The following CUBN variants were observed in gnomAD, a reference collection of about 807,000 sequenced individuals.
The protein encoded by CUBN is 460 kDa receptor.
In CUBN, 282 loss-of-function variants were observed where a neutral mutation model predicts 405.3. The ratio of observed to expected loss-of-function variants is 0.70; its 90% CI spans 0.63 to 0.77. The LOEUF is 0.77. Ranked by LOEUF, CUBN falls within the 30% of genes least tolerant of loss-of-function variation. The probability of loss-of-function intolerance (pLI) is 0.00; values close to 1 mark genes in which losing one functional copy is unlikely to be tolerated. For synonymous variants in CUBN, 1,684 were observed against 1,617.0 expected, an observed-to-expected ratio of 1.04 and a Z score of -0.99; for missense variants, 4,514 against 4,475.2, an observed-to-expected ratio of 1.01 and a Z score of -0.25.
chr10:17,083,258 C>T (rs1432887762), intron 17 of CUBN, among the ~76,000 whole-genome samples: 1 of 152,074 alleles, frequency 6.6e-6, no homozygotes, highest in Non-Finnish European at 1.5e-5. Flanking sequence ...GTAATCCCAG[C>T]ACTTTGGGAG....
chr10:16,929,696 T>G (rs900061329), intron 40 of CUBN, among the ~76,000 whole-genome samples: 1 of 152,232 alleles, frequency 6.6e-6, no homozygotes, highest in African/African-American at 2.4e-5. Flanking sequence ...GTATCTCTTA[T>G]AGTTCTTTTG....
At chr10:16,911,352 G>A (rs1418381586) in intron 48 of CUBN, among the ~76,000 whole-genome samples, 1 of 152,160 alleles carries the variant, frequency 6.6e-6, no homozygotes, top group Non-Finnish European at 1.5e-5. Context: ...TATTTTGGGA[G>A]ACGATTGGGA....
chr10:16,946,490 CTTTTTTT>C (rs775415655), intron 36 of CUBN, among the ~76,000 whole-genome samples: 51 of 121,074 alleles, frequency 4.2e-4, no homozygotes, highest in Non-Finnish European at 8.2e-4. Flanking sequence ...AAAACCATTC[CTTTTTTT>C]TTTTTTTTTT....
chr10:16,869,774 C>A lies in CUBN; in HGVS notation c.9316G>T (p.Asp3106Tyr). The part of the protein sequence containing the change: ...LAIYDGANTS[D>Y]PLLGKFCGSK... ...CCGCAGAATTTGCCAAGAAGGGGAT[C>A]GCTGGTATTGGCACCATCGTAAATT... The change falls in exon 59 of 67, where the codon GAT (aspartate) becomes TAT (tyrosine). Residue 3106 changes from aspartate to tyrosine, a missense_variant. Asp to Tyr is a radical substitution (Grantham distance 160, BLOSUM62 -3). This residue lies in a region of CUBN where 1,186 missense variants were observed against 1,186.9 expected (regional missense o/e 1.00). Coordinates refer to ENST00000377833, the MANE Select transcript of CUBN (RefSeq NM_001081.4). 1 of 1,614,018 alleles carries A rather than the reference C, an allele frequency of 6.2e-7. No homozygotes were observed. Among genetic ancestry groups the A allele is most frequent in the Non-Finnish European group, 8.5e-7 (1 of 1,179,956 alleles).
intron 31 of CUBN, among the ~76,000 whole-genome samples, chr10:16,959,247 C>A (rs1275025252): frequency 6.6e-6 from 1 of 152,112 alleles, no homozygotes; most frequent in African/African-American, 2.4e-5. Context: ...ATTTTGAAAC[C>A]TCAGGCTATC....
chr10:17,090,050 A>C (rs1269024379), intron 14 of CUBN, among the ~76,000 whole-genome samples: 1 of 152,174 alleles, frequency 6.6e-6, no homozygotes, highest in African/African-American at 2.4e-5. Flanking sequence ...TGGGAGGTTG[A>C]GGTTGCTGTG....
At position 16,826,102 on chromosome 10, in the gene CUBN, T is replaced by C. The variant is rs576249935; in HGVS notation, c.10765-1020A>G. Among the ~76,000 whole-genome samples, 28 of 152,340 alleles carry C rather than the reference T, an allele frequency of 1.8e-4. No homozygotes were observed. The East Asian group carries it at 3.5e-3, about 19-fold the overall frequency. On this transcript the variant is annotated intron_variant, in intron 66 of 66. Transcript: ENST00000377833. ...TCTCCTTGTTTGTCCCGTTATTCTC[T>C]CATTTGCTAGATCTTCATTTTCTGC... is the stretch of plus-strand genomic sequence containing the variant.
At chr10:16,963,470 A>G (rs954632903) in intron 31 of CUBN, among the ~76,000 whole-genome samples, 117 of 152,186 alleles carry the variant, frequency 7.7e-4, no homozygotes, top group African/African-American at 2.8e-3. Flanking sequence ...TACAGGCATG[A>G]GCCACTGTGC....
At chr10:16,866,145 A>T (rs1470286685) in intron 59 of CUBN, among the ~76,000 whole-genome samples, 1 of 152,132 alleles carries the variant, frequency 6.6e-6, no homozygotes, top group Non-Finnish European at 1.5e-5. Context: ...TTCTACACTG[A>T]AGTTTTGCTG....
chr10:17,041,655 C>A (rs1478223182), intron 26 of CUBN, among the ~76,000 whole-genome samples: 2 of 151,900 alleles, frequency 1.3e-5, no homozygotes, highest in African/African-American at 2.4e-5. Context: ...GAAATTCTGA[C>A]TTTTAAATTC....
intron 30 of CUBN, 115 bp from the exon 31 acceptor site, chr10:16,982,768 T>A (rs564837175): frequency 1.1e-6 from 1 of 934,840 alleles, no homozygotes; most frequent in East Asian, 2.6e-5. Flanking sequence ...TAGTCGATGC[T>A]AAAAACACTG....
chr10:16,903,405 G>T (rs72771400), intron 51 of CUBN, among the ~76,000 whole-genome samples: 7,589 of 151,952 alleles, frequency 0.05, 273 homozygotes, highest in Non-Finnish European at 0.078. Flanking sequence ...TTCAATATTC[G>T]ATGGTGGCCC....
At chr10:16,875,533 C>T (rs1031494622) in intron 57 of CUBN, among the ~76,000 whole-genome samples, 4 of 152,174 alleles carry the variant, frequency 2.6e-5, no homozygotes, top group African/African-American at 4.8e-5. Context: ...ACTGAGCCCA[C>T]CTTGCAGGGA....
At chr10:16,917,465 A>T (rs1841914901) in intron 45 of CUBN, among the ~76,000 whole-genome samples, 2 of 152,186 alleles carry the variant, frequency 1.3e-5, no homozygotes, top group Non-Finnish European at 2.9e-5. Context: ...GAATCATAAT[A>T]GTATACTGTT....
At chr10:16,833,814 A>G (rs1228028274) in intron 64 of CUBN, among the ~76,000 whole-genome samples, 6 of 152,212 alleles carry the variant, frequency 3.9e-5, no homozygotes, top group Non-Finnish European at 8.8e-5. Flanking sequence ...ACATTTCTTT[A>G]TGCTACAAAG....
intron 59 of CUBN, among the ~76,000 whole-genome samples, chr10:16,866,440 G>C (rs1840185924): frequency 6.6e-6 from 1 of 152,174 alleles, no homozygotes. Flanking sequence ...TGCTGGTAAA[G>C]GAAGGGGCAG....
intron 41 of CUBN, among the ~76,000 whole-genome samples, chr10:16,926,990 C>T (rs535141138): frequency 6.6e-6 from 1 of 151,986 alleles, no homozygotes; most frequent in African/African-American, 2.4e-5. Flanking sequence ...CCATCCTCCC[C>T]ACTTCTGAGT....
chr10:17,063,257 T>C (rs1425324323), intron 22 of CUBN, among the ~76,000 whole-genome samples: 1 of 152,202 alleles, frequency 6.6e-6, no homozygotes, highest in Admixed American at 6.5e-5. Context: ...CTGATTGCTA[T>C]TTAGAATGGC....
rs532968954 is a variant in CUBN at position 16,969,595 on chromosome 10, C to T, written c.4695+12889G>A. ...GTCTCAATCTCTAGACCTCATGATC[C>T]GCCTGCCTTGGCATCCCAAAGTGCT... On this transcript the variant is annotated intron_variant, in intron 31 of 66. Transcript: ENST00000377833. Among the ~76,000 whole-genome samples, 32 of 152,200 alleles carry T rather than the reference C, an allele frequency of 2.1e-4. No homozygotes were observed. The East Asian group carries it at 4.5e-3, about 21-fold the overall frequency.
Sources: gnomAD v4.1 joint callset for allele counts (sites outside exome capture counted in the v4.1 genomes callset) on GRCh38, gnomAD v4.1.1 for gene constraint, gnomAD v4.1.1 regional missense constraint, MANE v1.5 for transcripts, NCBI Gene and HGNC (gene_info 2026-07-23, HGNC 2026-07-21) for gene names.